Variants in PLAC8 observed in about 807,000 individuals in gnomAD.
The protein encoded by PLAC8 is placenta associated 8.
A neutral mutation model predicts 12.6 loss-of-function variants in PLAC8; 6 were observed. The ratio of observed to expected loss-of-function variants is 0.48; its 90% CI spans 0.26 to 0.94. The LOEUF (loss-of-function observed/expected upper bound fraction) is 0.94, where lower values mean the gene tolerates loss of function less well. Among genes scored for constraint, PLAC8 ranks in the 40% least tolerant of loss-of-function variants. PLAC8 has a pLI of 0.14. For missense variants in PLAC8, 122 were observed against 152.7 expected (o/e 0.80, Z 1.06); for synonymous variants, 54 against 52.6 (o/e 1.03, Z -0.11).
chr4:83,091,864 G>A (rs7664769), intron 4 of PLAC8, among the ~76,000 whole-genome samples: 137,820 of 152,230 alleles, frequency 0.91, 62,439 homozygotes, highest in East Asian at 1. Context: ...ATTTTATTCA[G>A]TCATTTATGT....
intron 3 of PLAC8, among the ~76,000 whole-genome samples, chr4:83,095,803 T>C (rs1490569155): frequency 6.6e-6 from 1 of 152,224 alleles, no homozygotes; most frequent in African/African-American, 2.4e-5. Context: ...AATTAGATGA[T>C]TTTAAAAACA....
chr4:83,110,912 C>T (rs754391326), intron 1 of PLAC8, among the ~76,000 whole-genome samples: 35 of 152,324 alleles, frequency 2.3e-4, no homozygotes, highest in Non-Finnish European at 4.6e-4. Context: ...ATATGAAAGG[C>T]TAATTATCCG....
chr4:83,108,227 GCT>G (rs35486483), intron 1 of PLAC8, among the ~76,000 whole-genome samples: 63,213 of 151,646 alleles, frequency 0.42, 13,453 homozygotes, highest in African/African-American at 0.48. Context: ...AGAGGAAGTT[GCT>G]CTGTTTGAAG....
Position 83,107,900 on chromosome 4 carries a change from C to T in PLAC8, c.22G>A (p.Val8Ile). 1 of 1,567,454 alleles carries T rather than the reference C, an allele frequency of 6.4e-7. No individual in the cohort carries two copies. The highest frequency in any genetic ancestry group is 8.7e-7 in the Non-Finnish European group (1 of 1,154,408). The change falls in exon 2 of 5, where the codon GTC becomes ATC. Residue 8 changes from valine to isoleucine, a missense_variant. Val to Ile is a conservative substitution (Grantham distance 29, BLOSUM62 3). Transcript: ENST00000311507. MQAQAPV[V>I]VVTQPGVGPG... Reference sequence around the variant, plus strand: ...CCGACTCCAGGTTGGGTCACAACGACCACCGGCGCCTGAGCTTGCATTTTC... The same window carrying T: ...CCGACTCCAGGTTGGGTCACAACGATCACCGGCGCCTGAGCTTGCATTTTC...
chr4:83,113,179 C>A (rs1732461954), intron 1 of PLAC8, among the ~76,000 whole-genome samples: 1 of 152,200 alleles, frequency 6.6e-6, no homozygotes, highest in Admixed American at 6.6e-5. Flanking sequence ...ATGCCATAGG[C>A]TTTTGTCCTA....
intron 3 of PLAC8, among the ~76,000 whole-genome samples, chr4:83,096,454 AAATT>A (rs1731928044): frequency 6.6e-6 from 1 of 152,376 alleles, no homozygotes; most frequent in East Asian, 1.9e-4. Flanking sequence ...ATTTAAATAA[AAATT>A]AAAACAATTT....
intron 4 of PLAC8, among the ~76,000 whole-genome samples, chr4:83,092,366 T>C (rs1002368004): frequency 6.6e-6 from 1 of 151,864 alleles, no homozygotes; most frequent in African/African-American, 2.4e-5. Context: ...TATTATTAGA[T>C]TAATATTTAT....
intron 3 of PLAC8, among the ~76,000 whole-genome samples, chr4:83,102,343 G>A (rs1732118433): frequency 6.6e-6 from 1 of 151,978 alleles, no homozygotes; most frequent in African/African-American, 2.4e-5. Context: ...GACCAGCCTG[G>A]CCAACATGGT....
chr4:83,105,023 A>T lies in PLAC8; in HGVS notation c.119-3T>A. 6.2e-7 allele frequency: 1 copy of T among 1,614,020 alleles called. No homozygotes were observed. The highest frequency in any genetic ancestry group is 8.5e-7 in the Non-Finnish European group (1 of 1,179,968). The stretch of plus-strand genomic sequence containing the variant: ...GAAACAAAATGTGCCACAGAGACCT[A>T]GACACATGAAACCAGGGGTACATAT... On this transcript the variant is annotated splice_polypyrimidine_tract_variant and splice_region_variant and intron_variant, in intron 2 of 4. Transcript: ENST00000311507.
intron 3 of PLAC8, among the ~76,000 whole-genome samples, chr4:83,101,050 G>A (rs1199178954): frequency 6.6e-6 from 1 of 152,168 alleles, no homozygotes; most frequent in Non-Finnish European, 1.5e-5. Flanking sequence ...CAAGGCCCCA[G>A]TGCTCTTCGG....
At chr4:83,098,348 G>A (rs967788268) in intron 3 of PLAC8, among the ~76,000 whole-genome samples, 1 of 152,116 alleles carries the variant, frequency 6.6e-6, no homozygotes, top group Admixed American at 6.5e-5. Context: ...ACTGCTGTGG[G>A]GCCAGAATCT....
chr4:83,107,605 T>C (rs185212223), intron 2 of PLAC8, among the ~76,000 whole-genome samples, 199 bp downstream of exon 2: 1 of 138,482 alleles, frequency 7.2e-6, no homozygotes, highest in African/African-American at 2.7e-5. Context: ...GAAAATTAAG[T>C]TATCCATACG....
chr4:83,104,826 T>C, intron 3 of PLAC8, 70 bp downstream of exon 3: 1 of 1,496,700 alleles, frequency 6.7e-7, no homozygotes, highest in Non-Finnish European at 9.3e-7. Context: ...CATCAAATGA[T>C]CTCCATGTTT....
chr4:83,092,037 T>A (rs1731818349), intron 4 of PLAC8, among the ~76,000 whole-genome samples: 1 of 152,174 alleles, frequency 6.6e-6, no homozygotes, highest in Non-Finnish European at 1.5e-5. Context: ...TATTCCTTGC[T>A]CTTTCTCTCT....
chr4:83,112,059 A>C (rs1161212562), intron 1 of PLAC8, among the ~76,000 whole-genome samples: 1 of 151,966 alleles, frequency 6.6e-6, no homozygotes, highest in Non-Finnish European at 1.5e-5. Context: ...CTGTAATCCC[A>C]GCTATTCGGG....
At chr4:83,111,499 A>T (rs1304629719) in intron 1 of PLAC8, among the ~76,000 whole-genome samples, 6 of 152,096 alleles carry the variant, frequency 3.9e-5, no homozygotes, top group East Asian at 1.9e-4. Context: ...AAAAATAAAA[A>T]AAAAGGAGGG....
At position 83,090,527 on chromosome 4, in the gene PLAC8, C is replaced by CAAAAAAAAAAAAAA. The variant is rs35868133; in HGVS notation, c.*440_*453dup. 1 of 58,054 alleles carries CAAAAAAAAAAAAAA rather than the reference C, an allele frequency of 1.7e-5. No homozygotes were observed. The highest frequency in any genetic ancestry group is 5.6e-5 in the African/African-American group (1 of 17,794). 3.6% of individuals were successfully genotyped at this position (58,054 alleles called of 1,614,324 possible). ...TGGGCAACAGAGCGAGACTCTATCT[C>CAAAAAAAAAAAAAA]AAAAAAAAAAAAAAAAAAAGAAAGA... is the stretch of plus-strand genomic sequence containing the variant. On this transcript the variant is annotated 3_prime_UTR_variant, in exon 5 of 5. Transcript: ENST00000311507.
chr4:83,108,788 A>G (rs764560713), intron 1 of PLAC8, among the ~76,000 whole-genome samples: 2 of 152,184 alleles, frequency 1.3e-5, no homozygotes, highest in Non-Finnish European at 2.9e-5. Context: ...AGAAAATAGC[A>G]TTCTCTAAAA....
chr4:83,094,839 G>C (rs903837991), intron 3 of PLAC8, 48 bp from the exon 4 acceptor site: 2 of 1,126,648 alleles, frequency 1.8e-6, no homozygotes, highest in Admixed American at 2.4e-5. Flanking sequence ...CACCTATTTG[G>C]AATTAAGACT....
Sources: allele counts gnomAD v4.1 joint callset (sites outside exome capture counted in the v4.1 genomes callset), GRCh38; gene constraint gnomAD v4.1.1; transcripts MANE v1.5; gene names NCBI Gene and HGNC (gene_info 2026-07-23, HGNC 2026-07-21).